The following ARHGAP42 variants were observed in gnomAD, a reference collection of about 807,000 sequenced individuals.
ARHGAP42 encodes the protein Rho GTPase activating protein 42.
Under a neutral mutation model 125.0 loss-of-function variants are expected in ARHGAP42, and 63 were observed. That is an observed-to-expected ratio of 0.50 (90% CI 0.41 to 0.62). The LOEUF is 0.62. Ranked by LOEUF, ARHGAP42 falls within the 20% of genes least tolerant of loss-of-function variation. The pLI, the probability that ARHGAP42 is intolerant of heterozygous loss-of-function variation, is 0.00. For missense variants in ARHGAP42, 766 were observed against 1,024.2 expected, an observed-to-expected ratio of 0.75 and a Z score of 3.44; for synonymous variants, 339 against 351.0, an observed-to-expected ratio of 0.97 and a Z score of 0.38.
intron 12 of ARHGAP42, among the ~76,000 whole-genome samples, chr11:100,956,367 A>G (rs1270370282): frequency 3.3e-5 from 5 of 152,118 alleles, no homozygotes; most frequent in Admixed American, 2.0e-4. Context: ...TTTATAGTAC[A>G]TGTCCATATA....
intron 1 of ARHGAP42, among the ~76,000 whole-genome samples, chr11:100,713,414 G>A (rs1290190974): frequency 4.6e-5 from 7 of 152,172 alleles, no homozygotes; most frequent in Non-Finnish European, 1.0e-4. Flanking sequence ...CCTGGGAATG[G>A]ATCCTCTGAT....
intron 1 of ARHGAP42, among the ~76,000 whole-genome samples, chr11:100,705,540 G>A (rs1861469764): frequency 6.6e-6 from 1 of 152,096 alleles, no homozygotes; most frequent in Non-Finnish European, 1.5e-5. Flanking sequence ...AAAGTATCTA[G>A]TACAATTTAT....
At chr11:100,933,007 A>T (rs1409213384) in intron 6 of ARHGAP42, 149 bp from the exon 7 acceptor site, 2 of 571,486 alleles carry the variant, frequency 3.5e-6, no homozygotes, top group Non-Finnish European at 6.0e-6. Context: ...CTGTTTTATA[A>T]TCGTAAATCT....
chr11:100,992,334 C>T lies in ARHGAP42; in HGVS notation c.*3533C>T, dbSNP rs1181750215. 4.3e-6 allele frequency: 7 copies of T among 1,610,256 alleles called. No homozygotes were observed. The highest frequency in any genetic ancestry group is 1.7e-5 in the Admixed American group (1 of 59,514). Reference sequence around the variant, plus strand: ...ATGACCTCACATCACTGCGTAGGACCCGGAAATCACATCTCCTGGTCAGGT... The same window carrying T: ...ATGACCTCACATCACTGCGTAGGACTCGGAAATCACATCTCCTGGTCAGGT... On this transcript the variant is annotated 3_prime_UTR_variant, in exon 24 of 24. Coordinates refer to ENST00000298815, the MANE Select transcript of ARHGAP42 (RefSeq NM_152432.4).
rs189079745 is a variant in ARHGAP42, at chr11:100,793,129, T to C, written c.251-1976T>C. On this transcript the variant is annotated intron_variant, in intron 2 of 23. Transcript: ENST00000298815. ...AAACTGACCTACCTCTTGACTTCTTTCTCTGTAGACCTGTTATCATTGCCT... is the reference window on the plus strand; with the variant it reads ...AAACTGACCTACCTCTTGACTTCTTCCTCTGTAGACCTGTTATCATTGCCT... 9.4e-4 allele frequency among the ~76,000 whole-genome samples: 143 copies of C among 152,300 alleles called. 1 individual carries two copies. The highest frequency in any genetic ancestry group is 3.3e-3 in the African/African-American group (138 of 41,562).
chr11:100,976,398 G>A lies in ARHGAP42; in HGVS notation c.2197G>A (p.Ala733Thr), dbSNP rs1346123033. 6.5e-7 allele frequency: 1 copy of A among 1,541,112 alleles called. No individual in the cohort carries two copies. The highest frequency in any genetic ancestry group is 2.1e-5 in the Admixed American group (1 of 47,448). Residue 733 changes from alanine (A) to threonine (T), a missense_variant, in exon 20 of 24, where the codon GCT (alanine) becomes ACT (threonine). By Grantham distance (58) the Ala-to-Thr change is moderately conservative. Around this residue, in one of 3 missense-constraint regions of ARHGAP42, gnomAD observed 308 missense variants for 369.7 expected, o/e 0.83. Coordinates refer to ENST00000298815, the MANE Select transcript of ARHGAP42 (RefSeq NM_152432.4). ...TTATGGGCTTTCAGGACTGAAAAGA[G>A]CTTCTGCTTCTTCTCTCAGATCCAT... ...EPYGLSGLKR[A>T]SASSLRSISA...
At chr11:100,987,374 T>G (rs985006052) in intron 22 of ARHGAP42, 139 bp from the exon 23 acceptor site, 9 of 670,282 alleles carry the variant, frequency 1.3e-5, no homozygotes, top group South Asian at 9.2e-5. Context: ...AAAGCACCGA[T>G]GTACACTCAT....
At chr11:100,775,883 G>C (rs1565208952) in intron 2 of ARHGAP42, among the ~76,000 whole-genome samples, 1 of 152,126 alleles carries the variant, frequency 6.6e-6, no homozygotes, top group Non-Finnish European at 1.5e-5. Flanking sequence ...ATTGTGGCCG[G>C]GTACGGTGGC....
chr11:100,749,770 A>T (rs1294092888), intron 1 of ARHGAP42, among the ~76,000 whole-genome samples: 1 of 152,064 alleles, frequency 6.6e-6, no homozygotes, highest in Non-Finnish European at 1.5e-5. Flanking sequence ...ACTTATCACC[A>T]TCCACTGGAA....
At chr11:100,893,376 G>C (rs1221472792) in intron 4 of ARHGAP42, among the ~76,000 whole-genome samples, 2 of 152,022 alleles carry the variant, frequency 1.3e-5, no homozygotes, top group Non-Finnish European at 2.9e-5. Context: ...CTTAGCCTTT[G>C]CATTAAAATG....
At chr11:100,773,306 T>C (rs1302250339) in intron 2 of ARHGAP42, among the ~76,000 whole-genome samples, 1 of 152,228 alleles carries the variant, frequency 6.6e-6, no homozygotes, top group African/African-American at 2.4e-5. Context: ...TTTTCACTTA[T>C]GTACATATTT....
intron 7 of ARHGAP42, among the ~76,000 whole-genome samples, chr11:100,933,504 A>T (rs1349625529): frequency 6.6e-5 from 10 of 152,170 alleles, no homozygotes; most frequent in Admixed American, 5.9e-4. Flanking sequence ...GTGATGCAGG[A>T]TGAGTAAGTT....
At chr11:100,885,500 A>G (rs935622929) in intron 4 of ARHGAP42, among the ~76,000 whole-genome samples, 1 of 152,190 alleles carries the variant, frequency 6.6e-6, no homozygotes, top group Non-Finnish European at 1.5e-5. Context: ...GGGGTATCGG[A>G]TGCCTTTTAT....
chr11:100,908,421 G>A (rs981859338), intron 4 of ARHGAP42, among the ~76,000 whole-genome samples: 3 of 152,096 alleles, frequency 2.0e-5, no homozygotes, highest in Admixed American at 6.5e-5. Flanking sequence ...GGAGTCTCCA[G>A]TGTCTATTAC....
chr11:100,900,824 G>T (rs2135208948), intron 4 of ARHGAP42, among the ~76,000 whole-genome samples: 1 of 151,706 alleles, frequency 6.6e-6, no homozygotes, highest in East Asian at 1.9e-4. Context: ...CCTTTTTCAA[G>T]GGTTTGAACA....
rs185119905 is a variant in ARHGAP42 at position 100,705,900 on chromosome 11, C to A, written c.154+18068C>A. Among the ~76,000 whole-genome samples the A allele has an allele frequency of 7.7e-4, 117 of 151,908 alleles. 2 individuals carry two copies. In the East Asian group the frequency reaches 0.019, roughly 24 times the overall value. On this transcript the variant is annotated intron_variant, in intron 1 of 23. Transcript: ENST00000298815. The stretch of plus-strand genomic sequence containing the variant: ...TTCATATTGATGTGAGAGCTGTAGA[C>A]CATGTATCATTGCTTAGTTTCCTGA...
intron 4 of ARHGAP42, among the ~76,000 whole-genome samples, chr11:100,900,955 G>A (rs1866529177): frequency 6.6e-6 from 1 of 152,074 alleles, no homozygotes; most frequent in Non-Finnish European, 1.5e-5. Context: ...GCGATCTTTT[G>A]GAAGAGAAGA....
chr11:100,973,461 T>C (rs1490940250), intron 18 of ARHGAP42, 127 bp downstream of exon 18: 9 of 977,386 alleles, frequency 9.2e-6, no homozygotes, highest in African/African-American at 1.7e-5. Flanking sequence ...CAGTTTTCTT[T>C]CCTTGTTGTT....
intron 3 of ARHGAP42, among the ~76,000 whole-genome samples, chr11:100,810,931 G>T (rs1864124417): frequency 6.6e-6 from 1 of 152,006 alleles, no homozygotes; most frequent in South Asian, 2.1e-4. Context: ...GCAATAAAAT[G>T]AACATTTTAT....
Sources: gnomAD v4.1 joint callset for allele counts (sites outside exome capture counted in the v4.1 genomes callset) on GRCh38, gnomAD v4.1.1 for gene constraint, gnomAD v4.1.1 regional missense constraint, MANE v1.5 for transcripts, NCBI Gene and HGNC (gene_info 2026-07-23, HGNC 2026-07-21) for gene names.